KCNQ3: variants seen among roughly 807,000 people sequenced by gnomAD.
The protein encoded by KCNQ3 is potassium voltage-gated channel subfamily KQT member 3.
KCNQ3 carries 30 observed loss-of-function variants against 92.5 expected under a neutral mutation model. The ratio of observed to expected loss-of-function variants is 0.32; its 90% CI spans 0.24 to 0.44. The LOEUF is 0.44. KCNQ3 is among the 20% of genes least tolerant of loss of function. The pLI is 1.00. For synonymous variants in KCNQ3, 450 were observed against 468.8 expected, an observed-to-expected ratio of 0.96 and a Z score of 0.52; for missense variants, 913 against 1,140.3, an observed-to-expected ratio of 0.80 and a Z score of 2.87.
At chr8:132,325,602 TG>T (rs1276476407) in intron 1 of KCNQ3, among the ~76,000 whole-genome samples, 8 of 152,096 alleles carry the variant, frequency 5.3e-5, no homozygotes, top group Admixed American at 5.2e-4. Flanking sequence ...GGAAAGAAAA[TG>T]TGAAGACACA....
In KCNQ3 at chr8:132,340,722, G is replaced by T. The variant is rs559084371; in HGVS notation, c.386+139425C>A. On this transcript the variant is annotated intron_variant, in intron 1 of 14. Transcript: ENST00000388996. ...GATAGGTACAGAAAACCACCATGAC[G>T]CATGTATACCTATGTAACAAACCTG... is the stretch of plus-strand genomic sequence containing the variant. Among the ~76,000 whole-genome samples the T allele has an allele frequency of 2.0e-5, 3 of 152,216 alleles. No homozygotes were observed. In the East Asian group the frequency reaches 5.8e-4, roughly 29 times the overall value.
At chr8:132,145,072 G>C (rs1357991122) in intron 9 of KCNQ3, among the ~76,000 whole-genome samples, 4 of 152,288 alleles carry the variant, frequency 2.6e-5, no homozygotes, top group Non-Finnish European at 4.4e-5. Context: ...TATAATAATG[G>C]GGAGCACTAT....
intron 1 of KCNQ3, among the ~76,000 whole-genome samples, chr8:132,196,392 C>A (rs1043428549): frequency 6.6e-6 from 1 of 152,316 alleles, no homozygotes; most frequent in East Asian, 1.9e-4. Flanking sequence ...TTCTTCTTAT[C>A]TCCTCATAGA....
rs192021952 is a variant in KCNQ3, at chr8:132,430,622, C to A, written c.386+49525G>T. ...TGATCCATTTTTAAACCACTCCTTT[C>A]CTGAAGATGAACTTCTGCAGCAGTG... On this transcript the variant is annotated intron_variant, in intron 1 of 14. Transcript: ENST00000388996. Among the ~76,000 whole-genome samples the A allele has an allele frequency of 3.4e-3, 522 of 152,312 alleles. 4 individuals carry two copies. Among genetic ancestry groups the A allele is most frequent in the Non-Finnish European group, 6.0e-3 (406 of 68,030 alleles).
intron 1 of KCNQ3, among the ~76,000 whole-genome samples, chr8:132,404,111 CAAATGGGAGGAAG>C (rs1447423336): frequency 6.6e-6 from 1 of 152,130 alleles, no homozygotes. Context: ...AAACTCAGAG[CAAATGGGAGGAAG>C]AAATGGGGCA....
chr8:132,396,148 C>T (rs746134341), intron 1 of KCNQ3, among the ~76,000 whole-genome samples: 94 of 152,162 alleles, frequency 6.2e-4, no homozygotes, highest in Non-Finnish European at 1.1e-3. Context: ...CATTTCCGAC[C>T]CAGGCAGTGG....
chr8:132,379,416 T>C (rs1819687748), intron 1 of KCNQ3, among the ~76,000 whole-genome samples: 1 of 152,054 alleles, frequency 6.6e-6, no homozygotes, highest in African/African-American at 2.4e-5. Context: ...GGGTCTAAGT[T>C]TCTTCTCCAC....
chr8:132,324,817 C>T (rs1428235437), intron 1 of KCNQ3, among the ~76,000 whole-genome samples: 3 of 152,174 alleles, frequency 2.0e-5, no homozygotes, highest in Non-Finnish European at 2.9e-5. Flanking sequence ...CCCAGCTCTG[C>T]TGGCTCCAGA....
chr8:132,385,369 C>T (rs1819864084), intron 1 of KCNQ3, among the ~76,000 whole-genome samples: 1 of 152,182 alleles, frequency 6.6e-6, no homozygotes, highest in Non-Finnish European at 1.5e-5. Context: ...TCTGGGGAGC[C>T]TAACATGCCA....
rs78817586 is a variant in KCNQ3, at chr8:132,131,590, C to T, written c.1884+590G>A. Among the ~76,000 whole-genome samples, 288 of 152,122 alleles carry T rather than the reference C, an allele frequency of 1.9e-3. 1 individual carries two copies. Among genetic ancestry groups the T allele is most frequent in the African/African-American group, 6.7e-3 (279 of 41,484 alleles). On this transcript the variant is annotated intron_variant, in intron 14 of 14. Coordinates refer to ENST00000388996, the MANE Select transcript of KCNQ3 (RefSeq NM_004519.4). ...GCTATTATCAAGTGTCCACTGTGCC[C>T]GCTAATATTATGTATCAACTCAGTC...
rs575729348 is a variant in KCNQ3, at chr8:132,242,703, T to C, written c.387-56522A>G. Among the ~76,000 whole-genome samples, 24 of 152,354 alleles carry C rather than the reference T, an allele frequency of 1.6e-4. 1 individual carries two copies. The South Asian group carries it at 5.0e-3, about 32-fold the overall frequency. On this transcript the variant is annotated intron_variant, in intron 1 of 14. Coordinates refer to ENST00000388996, the MANE Select transcript of KCNQ3 (RefSeq NM_004519.4). ...AGGACAATGCCAGGCACATAGTAGG[T>C]ACCAAATGAATATTTATCGAATGAA...
intron 1 of KCNQ3, among the ~76,000 whole-genome samples, chr8:132,342,744 G>A (rs896007177): frequency 2.0e-5 from 3 of 152,202 alleles, no homozygotes; most frequent in Non-Finnish European, 4.4e-5. Flanking sequence ...GAGTCTGTAA[G>A]TGCTGGACTA....
Position 132,129,940 on chromosome 8 carries a change from C to T in KCNQ3, c.1941G>A (p.Met647Ile), listed in dbSNP as rs1227129126. The T allele has an allele frequency of 1.9e-6, 3 of 1,614,028 alleles. No homozygotes were observed. The highest frequency in any genetic ancestry group is 2.2e-5 in the East Asian group (1 of 44,880). ...DFLVDMHMQH[M>I]ERLQVQVTEY... Reference sequence around the variant, plus strand: ...CCGTGACCTGCACCTGCAACCGTTCCATGTGTTGCATGTGCATATCCACGA... The same window carrying T: ...CCGTGACCTGCACCTGCAACCGTTCTATGTGTTGCATGTGCATATCCACGA... Residue 647 changes from methionine to isoleucine, a missense_variant, in exon 15 of 15, where the codon ATG becomes ATA. Around this residue, in one of 6 missense-constraint regions of KCNQ3, gnomAD observed 375 missense variants for 376.4 expected, o/e 1.00. Transcript: ENST00000388996. This position sits in a 1 kb window ranked among gnomAD's most constrained non-coding sequence, Gnocchi z 5.9.
At chr8:132,347,553 G>C (rs1006327771) in intron 1 of KCNQ3, among the ~76,000 whole-genome samples, 2 of 152,168 alleles carry the variant, frequency 1.3e-5, no homozygotes, top group Non-Finnish European at 2.9e-5. Flanking sequence ...GCTGTGAGGT[G>C]AAAGGACAGG....
intron 1 of KCNQ3, among the ~76,000 whole-genome samples, chr8:132,283,365 AG>A (rs1330748870): frequency 6.6e-6 from 1 of 152,224 alleles, no homozygotes; most frequent in Non-Finnish European, 1.5e-5. Flanking sequence ...TAATAGATTT[AG>A]CATGTATTAT....
At chr8:132,461,063 C>T (rs1270467653) in intron 1 of KCNQ3, among the ~76,000 whole-genome samples, 1 of 152,136 alleles carries the variant, frequency 6.6e-6, no homozygotes, top group Non-Finnish European at 1.5e-5. Flanking sequence ...TATTTCATGA[C>T]TTAATATCTC....
chr8:132,434,004 C>T (rs1486880225), intron 1 of KCNQ3, among the ~76,000 whole-genome samples: 1 of 151,976 alleles, frequency 6.6e-6, no homozygotes, highest in African/African-American at 2.4e-5. Context: ...GTCAGGAGAT[C>T]GAGACCATCC....
At chr8:132,153,386 C>T (rs1407267630) in intron 9 of KCNQ3, among the ~76,000 whole-genome samples, 1 of 152,146 alleles carries the variant, frequency 6.6e-6, no homozygotes, top group Non-Finnish European at 1.5e-5. Flanking sequence ...GAGAAGGACT[C>T]AATTCCACAG....
chr8:132,230,202 A>G (rs1427007558), intron 1 of KCNQ3, among the ~76,000 whole-genome samples: 1 of 152,052 alleles, frequency 6.6e-6, no homozygotes, highest in Non-Finnish European at 1.5e-5. Flanking sequence ...GCTCCTTTCC[A>G]TGTCTCCTAG....
Sources: allele counts gnomAD v4.1 joint callset (sites outside exome capture counted in the v4.1 genomes callset), GRCh38; gene constraint gnomAD v4.1.1; regional missense constraint gnomAD v4.1.1; non-coding constraint Gnocchi (gnomAD v3.1); transcripts MANE v1.5; gene names NCBI Gene and HGNC (gene_info 2026-07-23, HGNC 2026-07-21).